Variants in FSHR observed in about 807,000 individuals in gnomAD.
FSHR encodes the protein follicle-stimulating hormone receptor.
In FSHR, 46 loss-of-function variants were observed where a neutral mutation model predicts 52.1. That is an observed-to-expected ratio of 0.88 (90% CI 0.70 to 1.13). FSHR has a LOEUF of 1.13. Among genes scored for constraint, FSHR ranks in the 50% most tolerant of loss-of-function variants. The probability of loss-of-function intolerance (pLI) is 0.00; values close to 1 mark genes in which losing one functional copy is unlikely to be tolerated. For synonymous variants in FSHR, 399 were observed against 309.6 expected (o/e 1.29, Z -3.03); for missense variants, 964 against 834.6 (o/e 1.16, Z -1.91).
intron 1 of FSHR, among the ~76,000 whole-genome samples, chr2:49,127,883 CTTCTTCTTCTTCTTCTT>C (rs1672114372): frequency 2.9e-5 from 1 of 34,228 alleles, no homozygotes; most frequent in Non-Finnish European, 4.6e-5. Context: ...TCTTCTTCTT[CTTCTTCTTCTTCTTCTT>C]TTTTTTTTTT....
At chr2:48,998,781 T>C (rs1445935451) in intron 4 of FSHR, among the ~76,000 whole-genome samples, 2 of 151,996 alleles carry the variant, frequency 1.3e-5, no homozygotes, top group African/African-American at 4.8e-5. Context: ...AAAAAAAGCA[T>C]ATTCCATGAA....
intron 4 of FSHR, among the ~76,000 whole-genome samples, chr2:49,005,232 C>A (rs1667037629): frequency 1.3e-5 from 2 of 152,072 alleles, no homozygotes; most frequent in African/African-American, 4.8e-5. Context: ...AATGTCACCA[C>A]CTTTACAATC....
intron 1 of FSHR, among the ~76,000 whole-genome samples, chr2:49,141,376 C>T (rs753257193): frequency 1.2e-3 from 189 of 152,084 alleles, no homozygotes; most frequent in African/African-American, 4.0e-3. Context: ...TTGGCTTCTG[C>T]GGAGGCCTCA....
intron 1 of FSHR, among the ~76,000 whole-genome samples, chr2:49,085,988 A>G (rs1379082835): frequency 6.6e-6 from 1 of 151,968 alleles, no homozygotes; most frequent in African/African-American, 2.4e-5. Context: ...GGGGAGGGAT[A>G]GCATTAGGAG....
At chr2:49,123,440 T>A (rs1671889892) in intron 1 of FSHR, among the ~76,000 whole-genome samples, 1 of 152,102 alleles carries the variant, frequency 6.6e-6, no homozygotes, top group South Asian at 2.1e-4. Flanking sequence ...TGAGCCATGA[T>A]CGCATCACTG....
intron 4 of FSHR, among the ~76,000 whole-genome samples, chr2:48,997,940 G>A (rs1023539232): frequency 2.6e-5 from 4 of 152,014 alleles, no homozygotes; most frequent in South Asian, 2.1e-4. Flanking sequence ...TCCTGCCCTC[G>A]TTCTCTAATT....
intron 1 of FSHR, among the ~76,000 whole-genome samples, chr2:49,102,040 C>T (rs1504165): frequency 0.14 from 21,742 of 152,036 alleles, 1,566 homozygotes; most frequent in East Asian, 0.23. Context: ...TAAATTTCAG[C>T]ATGAGTTTTG....
chr2:48,976,346 G>A (rs868458377), intron 8 of FSHR, among the ~76,000 whole-genome samples: 1 of 152,144 alleles, frequency 6.6e-6, no homozygotes, highest in South Asian at 2.1e-4. Flanking sequence ...TGACTTGATC[G>A]TGGTGGATAA....
At chr2:49,124,886 C>CA (rs1243522809) in intron 1 of FSHR, among the ~76,000 whole-genome samples, 1 of 152,200 alleles carries the variant, frequency 6.6e-6, no homozygotes, top group Non-Finnish European at 1.5e-5. Flanking sequence ...TACAGGGGTC[C>CA]ACTGGCCCCT....
chr2:49,125,674 A>G (rs927199614), intron 1 of FSHR, among the ~76,000 whole-genome samples: 12 of 152,200 alleles, frequency 7.9e-5, no homozygotes, highest in African/African-American at 2.9e-4. Flanking sequence ...TTAGGAAATA[A>G]CATCCAATTA....
chr2:49,082,318 A>G (rs978091083), intron 1 of FSHR, among the ~76,000 whole-genome samples: 1 of 152,338 alleles, frequency 6.6e-6, no homozygotes, highest in African/African-American at 2.4e-5. Context: ...ACAAACAGAA[A>G]GGACATCCAC....
intron 1 of FSHR, among the ~76,000 whole-genome samples, chr2:49,085,810 T>C (rs1187378508): frequency 2.0e-5 from 3 of 152,164 alleles, no homozygotes; most frequent in African/African-American, 7.2e-5. Flanking sequence ...TCATGTCCTT[T>C]GTAGGGACAT....
chr2:49,006,250 G>A (rs1015498606), intron 4 of FSHR, among the ~76,000 whole-genome samples: 1 of 151,708 alleles, frequency 6.6e-6, no homozygotes, highest in Non-Finnish European at 1.5e-5. Flanking sequence ...ACCCTTAACA[G>A]GTTTCCCTAT....
intron 2 of FSHR, among the ~76,000 whole-genome samples, chr2:49,050,607 C>T (rs1289904757): frequency 6.6e-6 from 1 of 152,120 alleles, no homozygotes; most frequent in African/African-American, 2.4e-5. Flanking sequence ...ATCCTAGCTT[C>T]ACCACATAAG....
At chr2:49,093,264 T>G (rs553817948) in intron 1 of FSHR, among the ~76,000 whole-genome samples, 1 of 152,232 alleles carries the variant, frequency 6.6e-6, no homozygotes, top group Non-Finnish European at 1.5e-5. Flanking sequence ...TTTGTCTACT[T>G]GTTCATTTGA....
At chr2:48,989,256 T>C (rs1675658047) in intron 5 of FSHR, among the ~76,000 whole-genome samples, 2 of 147,620 alleles carry the variant, frequency 1.4e-5, no homozygotes, top group African/African-American at 5.0e-5. Flanking sequence ...ACAAATGGAA[T>C]TGCAGACATT....
chr2:49,127,825 TC>T (rs1558456604), intron 1 of FSHR, among the ~76,000 whole-genome samples: 1,592 of 64,158 alleles, frequency 0.025, 140 homozygotes, highest in Middle Eastern at 0.066. Context: ...TTCTTCTTCT[TC>T]TTCCTCTTCT....
At chr2:49,132,070 G>C (rs1371562209) in intron 1 of FSHR, among the ~76,000 whole-genome samples, 1 of 152,162 alleles carries the variant, frequency 6.6e-6, no homozygotes, top group Non-Finnish European at 1.5e-5. Flanking sequence ...GAGTCTATGT[G>C]TCAGGGCTGC....
chr2:49,039,417 G>T (rs1668404599), intron 2 of FSHR, among the ~76,000 whole-genome samples: 1 of 152,204 alleles, frequency 6.6e-6, no homozygotes, highest in Non-Finnish European at 1.5e-5. Flanking sequence ...CTGCTGCACT[G>T]TCTAGACTCA....
Sources: allele counts gnomAD v4.1 joint callset (sites outside exome capture counted in the v4.1 genomes callset), GRCh38; gene constraint gnomAD v4.1.1; transcripts MANE v1.5; gene names NCBI Gene and HGNC (gene_info 2026-07-23, HGNC 2026-07-21).